The following SFMBT2 variants were observed in gnomAD, a reference collection of about 807,000 sequenced individuals.
SFMBT2 encodes scm-like with four MBT domains protein 2.
Under a neutral mutation model 110.1 loss-of-function variants are expected in SFMBT2, and 38 were observed. The ratio of observed to expected loss-of-function variants is 0.35; its 90% CI spans 0.27 to 0.45. The LOEUF is 0.45. Ranked by LOEUF, SFMBT2 falls within the 20% of genes least tolerant of loss-of-function variation. The pLI, the probability that SFMBT2 is intolerant of heterozygous loss-of-function variation, is 1.00. For synonymous variants in SFMBT2, 425 were observed against 425.4 expected (o/e 1.00, Z 0.01); for missense variants, 1,011 against 1,094.9 (o/e 0.92, Z 1.08).
chr10:7,261,184 A>C (rs994461150), intron 7 of SFMBT2, among the ~76,000 whole-genome samples: 12 of 152,344 alleles, frequency 7.9e-5, no homozygotes, highest in African/African-American at 2.9e-4. Context: ...GGTGCGAATC[A>C]CTAGAAACGC....
intron 7 of SFMBT2, among the ~76,000 whole-genome samples, chr10:7,266,028 G>T (rs1041825070): frequency 6.6e-6 from 1 of 151,844 alleles, no homozygotes; most frequent in Non-Finnish European, 1.5e-5. Context: ...GATCAGTGCT[G>T]AACCAGGATA....
rs182691365 is a variant in SFMBT2, at chr10:7,258,255, G to C, written c.871-9606C>G. 9.5e-4 allele frequency among the ~76,000 whole-genome samples: 144 copies of C among 152,258 alleles called. 1 individual carries two copies. Among genetic ancestry groups the C allele is most frequent in the Middle Eastern group, 3.4e-3 (1 of 294 alleles). On this transcript the variant is annotated intron_variant, in intron 7 of 20. Transcript: ENST00000397167. Reference sequence around the variant, plus strand: ...GCTCCAGGAACCACATTCTTAACCTGAGTTCCACAATCAAAAGCTGCAGGA... The same window carrying C: ...GCTCCAGGAACCACATTCTTAACCTCAGTTCCACAATCAAAAGCTGCAGGA...
chr10:7,363,066 T>A (rs1405429258), intron 4 of SFMBT2, among the ~76,000 whole-genome samples: 1 of 152,214 alleles, frequency 6.6e-6, no homozygotes, highest in Non-Finnish European at 1.5e-5. Flanking sequence ...GGTTTGGCAG[T>A]GTCCCCTCCC....
At chr10:7,174,327 C>G (rs1356603816) in intron 17 of SFMBT2, among the ~76,000 whole-genome samples, 1 of 152,160 alleles carries the variant, frequency 6.6e-6, no homozygotes, top group East Asian at 1.9e-4. Flanking sequence ...ATGACAGGGC[C>G]AGGGCAGGCT....
At chr10:7,263,854 G>A (rs994136717) in intron 7 of SFMBT2, among the ~76,000 whole-genome samples, 4 of 152,150 alleles carry the variant, frequency 2.6e-5, no homozygotes, top group African/African-American at 4.8e-5. Context: ...TGTACCAGAC[G>A]GAATGAGAAA....
intron 11 of SFMBT2, chr10:7,215,830 T>C: frequency 1.5e-6 from 1 of 651,232 alleles, no homozygotes; most frequent in Non-Finnish European, 1.9e-6. Flanking sequence ...TCGAACACAG[T>C]AGACAAACTC....
chr10:7,237,428 A>G (rs1840291423), intron 9 of SFMBT2, among the ~76,000 whole-genome samples: 1 of 152,280 alleles, frequency 6.6e-6, no homozygotes, highest in Non-Finnish European at 1.5e-5. Flanking sequence ...AGCGCATTAT[A>G]TATGTATATA....
At chr10:7,307,991 G>A (rs11594109) in intron 4 of SFMBT2, among the ~76,000 whole-genome samples, 2,166 of 152,196 alleles carry the variant, frequency 0.014, 24 homozygotes, top group Non-Finnish European at 0.023. Context: ...TTAAAACTAA[G>A]GTTTAGGGAA....
intron 8 of SFMBT2, among the ~76,000 whole-genome samples, chr10:7,245,145 G>A (rs1465745364): frequency 3.9e-5 from 6 of 151,930 alleles, no homozygotes; most frequent in African/African-American, 1.2e-4. Context: ...ACAGTCCCAG[G>A]ACCCCAACAT....
intron 20 of SFMBT2, among the ~76,000 whole-genome samples, chr10:7,168,630 C>T (rs952080334): frequency 8.5e-5 from 13 of 152,226 alleles, no homozygotes; most frequent in African/African-American, 2.9e-4. Context: ...CTTATCTCGC[C>T]GCAGCACCAC....
rs956308054 is a variant in SFMBT2 at position 7,283,216 on chromosome 10, C to T, written c.772+688G>A. Among the ~76,000 whole-genome samples the T allele has an allele frequency of 1.2e-4, 19 of 152,296 alleles. No homozygotes were observed. The Middle Eastern group carries it at 0.01, about 82-fold the overall frequency. On this transcript the variant is annotated intron_variant, in intron 6 of 20. Coordinates refer to ENST00000397167, the MANE Select transcript of SFMBT2 (RefSeq NM_001387889.1). ...TTCAAGAATGGTTATTTTGTAAATA[C>T]GCTGATTTTTAACTAGGTAGGTATG... is the stretch of plus-strand genomic sequence containing the variant.
intron 4 of SFMBT2, among the ~76,000 whole-genome samples, chr10:7,299,657 T>C (rs1242574989): frequency 6.6e-6 from 1 of 152,158 alleles, no homozygotes; most frequent in Non-Finnish European, 1.5e-5. Flanking sequence ...AGTTCAACCA[T>C]TGTGGAAGAC....
At chr10:7,397,749 G>C (rs1845966191) in intron 1 of SFMBT2, among the ~76,000 whole-genome samples, 1 of 152,236 alleles carries the variant, frequency 6.6e-6, no homozygotes, top group African/African-American at 2.4e-5. Context: ...TCTGTAAATG[G>C]CTTTGAAGAT....
At chr10:7,368,133 A>AAT (rs1844962023) in intron 3 of SFMBT2, among the ~76,000 whole-genome samples, 1 of 152,226 alleles carries the variant, frequency 6.6e-6, no homozygotes, top group African/African-American at 2.4e-5. Context: ...ATTTTAACCC[A>AAT]ATATATCCAA....
intron 4 of SFMBT2, among the ~76,000 whole-genome samples, chr10:7,287,052 C>T (rs1387947291): frequency 6.9e-6 from 1 of 144,936 alleles, no homozygotes; most frequent in African/African-American, 2.5e-5. Context: ...GCCCTCTGAA[C>T]AAGGAAGGAA....
intron 9 of SFMBT2, among the ~76,000 whole-genome samples, chr10:7,228,680 T>TTTC (rs1839975840): frequency 1.2e-5 from 1 of 81,678 alleles, no homozygotes; most frequent in Admixed American, 1.3e-4. Flanking sequence ...GGCTTCTTTC[T>TTTC]TTCTTTCTTT....
chr10:7,243,050 T>C (rs1231203040), intron 9 of SFMBT2, among the ~76,000 whole-genome samples: 1 of 152,226 alleles, frequency 6.6e-6, no homozygotes, highest in East Asian at 1.9e-4. Context: ...AATGTGGTTC[T>C]TGAATCCCAA....
At chr10:7,376,404 T>C (rs891491717) in intron 2 of SFMBT2, among the ~76,000 whole-genome samples, 2 of 152,006 alleles carry the variant, frequency 1.3e-5, no homozygotes, top group African/African-American at 4.8e-5. Flanking sequence ...ATCTCAACTG[T>C]GATTTGAGCT....
intron 4 of SFMBT2, among the ~76,000 whole-genome samples, chr10:7,362,156 A>G (rs558131836): frequency 6.6e-6 from 1 of 152,288 alleles, no homozygotes; most frequent in Admixed American, 6.5e-5. Context: ...CTTTAATGTC[A>G]TATGTTCCTT....
Sources: gnomAD v4.1 joint callset for allele counts (sites outside exome capture counted in the v4.1 genomes callset) on GRCh38, gnomAD v4.1.1 for gene constraint, MANE v1.5 for transcripts, NCBI Gene and HGNC (gene_info 2026-07-23, HGNC 2026-07-21) for gene names.